OR1J2: variants seen among roughly 807,000 people sequenced by gnomAD.
OR1J2 encodes olfactory receptor family 1 subfamily J member 2.
For synonymous variants in OR1J2, 142 were observed against 99.7 expected (o/e 1.42, Z -2.52); for missense variants, 304 against 246.1 (o/e 1.24, Z -1.57).
the OR1J2 span, among the ~76,000 whole-genome samples, chr9:122,462,111 C>G: frequency 1.3e-5 from 2 of 152,084 alleles, no homozygotes. Flanking sequence ...GTGTTAGGTG[C>G]ATATATATGT....
At chr9:122,573,946 A>G in the OR1J2 span, among the ~76,000 whole-genome samples, 17 of 152,166 alleles carry the variant, frequency 1.1e-4, no homozygotes, top group Non-Finnish European at 2.1e-4. Flanking sequence ...TCTTTTTGGT[A>G]TGTGGACGTC....
chr9:122,470,282 T>A, the OR1J2 span, among the ~76,000 whole-genome samples: 1 of 152,186 alleles, frequency 6.6e-6, no homozygotes, highest in Non-Finnish European at 1.5e-5. Context: ...CCACTCCCAC[T>A]GTAGCTGAAA....
At chr9:122,472,581 C>T in the OR1J2 span, among the ~76,000 whole-genome samples, 1 of 152,268 alleles carries the variant, frequency 6.6e-6, no homozygotes, top group Non-Finnish European at 1.5e-5. Context: ...GCATTTGGCC[C>T]CAACTTCAAA....
the OR1J2 span, among the ~76,000 whole-genome samples, chr9:122,501,712 G>T: frequency 6.6e-6 from 1 of 152,034 alleles, no homozygotes; most frequent in African/African-American, 2.4e-5. Flanking sequence ...ATTGTTTCCT[G>T]ACAAATAGCC....
At chr9:122,527,335 C>G in the OR1J2 span, 2 of 1,277,908 alleles carry the variant, frequency 1.6e-6, no homozygotes, top group Non-Finnish European at 2.2e-6. Flanking sequence ...AGTTAGAATG[C>G]TAGATTTCAT....
At chr9:122,519,711 G>A in the OR1J2 span, 1 of 1,614,072 alleles carries the variant, frequency 6.2e-7, no homozygotes, top group Non-Finnish European at 8.5e-7. Context: ...CTCATGCTCA[G>A]ACATCTCCCT....
the OR1J2 span, among the ~76,000 whole-genome samples, chr9:122,546,254 G>A: frequency 6.6e-6 from 1 of 152,162 alleles, no homozygotes; most frequent in African/African-American, 2.4e-5. Flanking sequence ...TGTGGCAAGT[G>A]TGCAGGCTGT....
chr9:122,453,941 C>G, the OR1J2 span, among the ~76,000 whole-genome samples: 4 of 152,280 alleles, frequency 2.6e-5, no homozygotes, highest in Non-Finnish European at 5.9e-5. Flanking sequence ...CAGGAATCCT[C>G]TTAGTGCTAC....
At chr9:122,578,779 G>A in the OR1J2 span, among the ~76,000 whole-genome samples, 1 of 152,008 alleles carries the variant, frequency 6.6e-6, no homozygotes, top group Non-Finnish European at 1.5e-5. Flanking sequence ...GCATAAGAAT[G>A]ATACAATGAA....
the OR1J2 span, chr9:122,554,323 A>AG: frequency 3.1e-5 from 19 of 607,094 alleles, no homozygotes; most frequent in East Asian, 5.5e-4. Context: ...TTCTTTTATT[A>AG]GGCTGTGGAA....
the OR1J2 span, among the ~76,000 whole-genome samples, chr9:122,539,661 C>G: frequency 1.3e-5 from 2 of 152,124 alleles, no homozygotes; most frequent in Non-Finnish European, 2.9e-5. Context: ...AATGGTATTT[C>G]TAGTTCTAGA....
the OR1J2 span, among the ~76,000 whole-genome samples, chr9:122,504,789 A>G: frequency 1.3e-5 from 2 of 151,944 alleles, no homozygotes; most frequent in Non-Finnish European, 2.9e-5. Flanking sequence ...GCTTGCTTTC[A>G]TAGCTTCCTG....
chr9:122,533,780 G>A, the OR1J2 span, among the ~76,000 whole-genome samples: 1 of 152,170 alleles, frequency 6.6e-6, no homozygotes, highest in East Asian at 1.9e-4. Context: ...GTAATGTGGA[G>A]TGGGTAGCCT....
the OR1J2 span, among the ~76,000 whole-genome samples, chr9:122,547,136 A>T: frequency 2.0e-5 from 3 of 152,064 alleles, no homozygotes; most frequent in African/African-American, 4.8e-5. Flanking sequence ...ATAATAATTT[A>T]AAAAATACAT....
chr9:122,481,688 T>G, the OR1J2 span, among the ~76,000 whole-genome samples: 5 of 152,076 alleles, frequency 3.3e-5, no homozygotes, highest in Admixed American at 2.6e-4. Context: ...AAAATATACA[T>G]GAAGACACCA....
chr9:122,515,053 T>G (rs1828680962), downstream of OR1J2, among the ~76,000 whole-genome samples: 3 of 152,180 alleles, frequency 2.0e-5, no homozygotes, highest in African/African-American at 4.8e-5. Context: ...AATTAATGCA[T>G]GTTTATTTAA....
At chr9:122,461,631 G>A in the OR1J2 span, among the ~76,000 whole-genome samples, 1 of 152,042 alleles carries the variant, frequency 6.6e-6, no homozygotes, top group African/African-American at 2.4e-5. Flanking sequence ...TTATCATTTA[G>A]TTCAAAGAAT....
the OR1J2 span, among the ~76,000 whole-genome samples, chr9:122,556,412 G>T: frequency 4.9e-3 from 739 of 151,804 alleles, 5 homozygotes; most frequent in Non-Finnish European, 8.1e-3. Context: ...CTATTTCTGG[G>T]CTCTTTATTC....
the OR1J2 span, among the ~76,000 whole-genome samples, chr9:122,547,087 GAATATT>G: frequency 6.7e-6 from 1 of 149,394 alleles, no homozygotes; most frequent in Admixed American, 6.8e-5. Context: ...TTTTTAAAAA[GAATATT>G]AATAAAGAAT....
Sources: gnomAD v4.1 joint callset for allele counts (sites outside exome capture counted in the v4.1 genomes callset) on GRCh38, gnomAD v4.1.1 for gene constraint, MANE v1.5 for transcripts, NCBI Gene and HGNC (gene_info 2026-07-23, HGNC 2026-07-21) for gene names.